Variants in TRPM3 observed in about 807,000 individuals in gnomAD.
TRPM3 encodes the protein transient receptor potential cation channel subfamily M member 3, also known as long transient receptor potential channel 3.
TRPM3 carries 77 observed loss-of-function variants against 181.2 expected under a neutral mutation model. That is an observed-to-expected ratio of 0.42 (90% CI 0.35 to 0.51). The LOEUF is 0.51. Among genes scored for constraint, TRPM3 ranks in the 20% least tolerant of loss-of-function variants. The pLI, the probability that TRPM3 is intolerant of heterozygous loss-of-function variation, is 0.01. For synonymous variants in TRPM3, 745 were observed against 796.4 expected (o/e 0.94, Z 1.09); for missense variants, 1,759 against 2,196.7 (o/e 0.80, Z 3.98).
intron 1 of TRPM3, among the ~76,000 whole-genome samples, chr9:71,132,007 G>A (rs1323195318): frequency 2.6e-5 from 4 of 152,056 alleles, no homozygotes; most frequent in African/African-American, 9.7e-5. Flanking sequence ...TCTATTTTAC[G>A]TAAAGGCATA....
intron 22 of TRPM3, among the ~76,000 whole-genome samples, chr9:70,587,052 A>G (rs1361466789): frequency 2.6e-5 from 4 of 152,164 alleles, no homozygotes; most frequent in African/African-American, 9.7e-5. Flanking sequence ...ATACATAAAT[A>G]AAGCAAAAAC....
chr9:70,910,451 G>C (rs778599825), intron 1 of TRPM3, among the ~76,000 whole-genome samples: 13 of 152,098 alleles, frequency 8.5e-5, no homozygotes, highest in African/African-American at 1.2e-4. Context: ...GAATGGACCT[G>C]ACTAGTAGTT....
At chr9:70,647,377 T>A (rs1360044590) in intron 9 of TRPM3, among the ~76,000 whole-genome samples, 1 of 152,132 alleles carries the variant, frequency 6.6e-6, no homozygotes, top group Non-Finnish European at 1.5e-5. Context: ...GGATGCAAGG[T>A]TGGTTCACCA....
At chr9:70,903,773 A>G (rs1013432531) in intron 1 of TRPM3, among the ~76,000 whole-genome samples, 1 of 152,188 alleles carries the variant, frequency 6.6e-6, no homozygotes, top group Non-Finnish European at 1.5e-5. Flanking sequence ...AAATGCCTAC[A>G]TATAGCAGGG....
chr9:71,132,810 T>G (rs2074456958), intron 1 of TRPM3, among the ~76,000 whole-genome samples: 1 of 152,208 alleles, frequency 6.6e-6, no homozygotes, highest in Admixed American at 6.5e-5. Context: ...TTATTTTACA[T>G]GAATTGATGT....
intron 1 of TRPM3, among the ~76,000 whole-genome samples, chr9:71,142,689 C>T (rs1222521639): frequency 6.6e-6 from 1 of 151,998 alleles, no homozygotes; most frequent in Non-Finnish European, 1.5e-5. Context: ...TTTATACTGA[C>T]AATTTATATT....
chr9:71,161,284 T>C (rs1587713679), intron 1 of TRPM3, among the ~76,000 whole-genome samples: 1 of 152,144 alleles, frequency 6.6e-6, no homozygotes, highest in African/African-American at 2.4e-5. Flanking sequence ...ACAACATTCT[T>C]CACTGCAGTG....
At chr9:71,399,454 A>G (rs1032993694) in intron 1 of TRPM3, among the ~76,000 whole-genome samples, 1 of 151,986 alleles carries the variant, frequency 6.6e-6, no homozygotes, top group Non-Finnish European at 1.5e-5. Flanking sequence ...CTGCAAGGGA[A>G]TCTATAAAGT....
chr9:71,381,215 G>A lies in TRPM3; in HGVS notation c.183+65438C>T, dbSNP rs114950707. Among the ~76,000 whole-genome samples, 756 of 152,176 alleles carry A rather than the reference G, an allele frequency of 5.0e-3. 4 individuals are homozygous for A. The highest frequency in any genetic ancestry group is 0.015 in the African/African-American group (626 of 41,538). On this transcript the variant is annotated intron_variant, in intron 1 of 24. Transcript: ENST00000357533. ...GCAATAATAAATGATAGAGGACAGG[G>A]GTGACTTTTTGGACAAAGAAAATTG... is the stretch of plus-strand genomic sequence containing the variant.
At chr9:71,406,401 A>G (rs1024536865) in intron 1 of TRPM3, among the ~76,000 whole-genome samples, 7 of 152,158 alleles carry the variant, frequency 4.6e-5, no homozygotes, top group Admixed American at 4.6e-4. Context: ...TAGGAAGGAA[A>G]AACTTCCAAG....
At chr9:70,856,221 A>C (rs1188851960) in intron 3 of TRPM3, among the ~76,000 whole-genome samples, 2 of 152,244 alleles carry the variant, frequency 1.3e-5, no homozygotes, top group African/African-American at 4.8e-5. Context: ...TATGATTAGG[A>C]TCAGAAATAT....
intron 6 of TRPM3, among the ~76,000 whole-genome samples, chr9:70,819,271 C>G (rs2092964462): frequency 6.6e-6 from 1 of 152,156 alleles, no homozygotes; most frequent in Non-Finnish European, 1.5e-5. Flanking sequence ...TCCCACCTCT[C>G]ACATTTTAAA....
intron 1 of TRPM3, among the ~76,000 whole-genome samples, chr9:71,310,277 GA>G (rs575555770): frequency 1.3e-5 from 2 of 148,944 alleles, no homozygotes; most frequent in Middle Eastern, 3.6e-3. Context: ...TAGCAGTCAG[GA>G]AAAAAAAACC....
intron 1 of TRPM3, among the ~76,000 whole-genome samples, chr9:71,009,018 T>C (rs1167568761): frequency 6.6e-6 from 1 of 152,204 alleles, no homozygotes; most frequent in Admixed American, 6.5e-5. Flanking sequence ...ATTCCATAAA[T>C]TCAAAATCCT....
At chr9:70,811,844 T>C (rs1226595388) in intron 6 of TRPM3, among the ~76,000 whole-genome samples, 1 of 152,198 alleles carries the variant, frequency 6.6e-6, no homozygotes. Context: ...AGCTAACATG[T>C]TACTCAACAT....
intron 1 of TRPM3, among the ~76,000 whole-genome samples, chr9:70,983,382 A>G (rs1207420911): frequency 2.0e-5 from 3 of 151,990 alleles, no homozygotes; most frequent in African/African-American, 7.3e-5. Context: ...CAATATATCC[A>G]AGTGCCTACC....
Position 71,197,589 on chromosome 9 carries a change from T to A in TRPM3, c.183+249064A>T, listed in dbSNP as rs1202014807. 2.0e-5 allele frequency among the ~76,000 whole-genome samples: 3 copies of A among 151,944 alleles called. No individual in the cohort carries two copies. In the East Asian group the frequency reaches 5.8e-4, roughly 29 times the overall value. On this transcript the variant is annotated intron_variant, in intron 1 of 24. Transcript: ENST00000357533. Reference sequence around the variant, plus strand: ...TAACTGGTGTGAGATGGCATCTCATTGTGGTTTTGATTTGCATTACTCTGA... The same window carrying A: ...TAACTGGTGTGAGATGGCATCTCATAGTGGTTTTGATTTGCATTACTCTGA...
At chr9:71,133,694 T>C (rs1191428852) in intron 1 of TRPM3, among the ~76,000 whole-genome samples, 1 of 152,196 alleles carries the variant, frequency 6.6e-6, no homozygotes, top group Non-Finnish European at 1.5e-5. Flanking sequence ...ATTGCTAGTA[T>C]TTTTGTAGTT....
At chr9:70,795,219 T>C (rs1336090319) in intron 6 of TRPM3, among the ~76,000 whole-genome samples, 2 of 152,238 alleles carry the variant, frequency 1.3e-5, no homozygotes, top group Non-Finnish European at 2.9e-5. Context: ...TGCATATTGA[T>C]ATTCTATACA....
Sources: allele counts gnomAD v4.1 joint callset (sites outside exome capture counted in the v4.1 genomes callset), GRCh38; gene constraint gnomAD v4.1.1; transcripts MANE v1.5; gene names NCBI Gene and HGNC (gene_info 2026-07-23, HGNC 2026-07-21).